Variants in DNAI1 observed in about 807,000 individuals in gnomAD.
The protein encoded by DNAI1 is dynein axonemal intermediate chain 1.
In DNAI1, 67 loss-of-function variants were observed where a neutral mutation model predicts 92.0. The observed-to-expected ratio is 0.73, with a 90% CI of 0.60 to 0.89. The LOEUF (loss-of-function observed/expected upper bound fraction) is 0.89, where lower values mean the gene tolerates loss of function less well. DNAI1 is among the 40% of genes least tolerant of loss of function. The pLI is 0.00. For synonymous variants in DNAI1, 323 were observed against 319.6 expected, an observed-to-expected ratio of 1.01 and a Z score of -0.11; for missense variants, 839 against 866.6, an observed-to-expected ratio of 0.97 and a Z score of 0.40.
At position 34,520,804 on chromosome 9, in the gene DNAI1, G is replaced by C. The variant is rs909295009; in HGVS notation, c.*48G>C. On this transcript the variant is annotated 3_prime_UTR_variant, in exon 20 of 20. Transcript: ENST00000242317. Reference sequence around the variant, plus strand: ...CCATCGCTTGAATACAGTACTCCTAGGGCTTGACCCTGGTACCCAGCCCAG... The same window carrying C: ...CCATCGCTTGAATACAGTACTCCTACGGCTTGACCCTGGTACCCAGCCCAG... The C allele has an allele frequency of 1.3e-6, 2 of 1,537,804 alleles. No individual in the cohort carries two copies. The highest frequency in any genetic ancestry group is 1.4e-5 in the African/African-American group (1 of 72,694).
At chr9:34,506,959 G>A in intron 13 of DNAI1, 85 bp downstream of exon 13, 1 of 1,550,816 alleles carries the variant, frequency 6.4e-7, no homozygotes, top group East Asian at 2.4e-5. Flanking sequence ...TTGGGGAGGA[G>A]AGGACCACAG....
intron 18 of DNAI1, among the ~76,000 whole-genome samples, chr9:34,516,365 T>C (rs1186071799): frequency 2.0e-5 from 3 of 152,108 alleles, no homozygotes; most frequent in African/African-American, 7.2e-5. Context: ...ATATGGAGGA[T>C]GGATTGTAAC....
chr9:34,480,885 G>A (rs1824339925), intron 1 of DNAI1, among the ~76,000 whole-genome samples: 1 of 152,226 alleles, frequency 6.6e-6, no homozygotes, highest in East Asian at 1.9e-4. Context: ...GGTGGAGGTT[G>A]CAGTGAGCTG....
At chr9:34,475,269 T>G (rs1824216372) in intron 1 of DNAI1, among the ~76,000 whole-genome samples, 1 of 151,854 alleles carries the variant, frequency 6.6e-6, no homozygotes. Context: ...TGTTAGTGAG[T>G]TTTAAAATAA....
chr9:34,512,035 G>T (rs989941755), intron 13 of DNAI1, 74 bp from the exon 14 acceptor site: 13 of 1,439,060 alleles, frequency 9.0e-6, no homozygotes, highest in Non-Finnish European at 1.3e-5. Flanking sequence ...GTGCTTGGGG[G>T]AGCCCTGCTC....
intron 1 of DNAI1, among the ~76,000 whole-genome samples, chr9:34,464,071 A>C (rs1823994992): frequency 6.6e-6 from 1 of 152,076 alleles, no homozygotes; most frequent in South Asian, 2.1e-4. Context: ...CCTCTTAAAT[A>C]TCTCTCAAAT....
rs1247890260 is a variant in DNAI1 at position 34,459,025 on chromosome 9, A to C, written c.20A>C (p.Lys7Thr). 3.1e-6 allele frequency: 5 copies of C among 1,614,154 alleles called. No individual in the cohort carries two copies. The South Asian group carries it at 5.5e-5, about 18-fold the overall frequency. MIPASA[K>T]APHKQPHKQS... ...GTTGAGATGATTCCTGCTTCTGCGA[A>C]GGCTCCCCATAAACAGCCTCATAAG... Residue 7 changes from lysine (K) to threonine (T), a missense_variant, in exon 1 of 20, where the codon AAG (lysine) becomes ACG (threonine). Physicochemically the swap from Lys to Thr is moderately conservative, Grantham distance 78. Coordinates refer to ENST00000242317, the MANE Select transcript of DNAI1 (RefSeq NM_012144.4).
intron 6 of DNAI1, 54 bp downstream of exon 6, chr9:34,490,178 G>A (rs369902872): frequency 2.4e-5 from 38 of 1,613,326 alleles, no homozygotes; most frequent in African/African-American, 1.5e-4. Flanking sequence ...GCTGTGGATG[G>A]AGGCTTCATG....
chr9:34,488,385 T>G (rs1824515043), intron 4 of DNAI1: 1 of 155,132 alleles, frequency 6.4e-6, no homozygotes, highest in Non-Finnish European at 1.4e-5. Flanking sequence ...TGTGGTGACT[T>G]TTAAATACAG....
At chr9:34,481,449 G>T (rs187037550) in intron 1 of DNAI1, among the ~76,000 whole-genome samples, 1 of 152,212 alleles carries the variant, frequency 6.6e-6, no homozygotes, top group African/African-American at 2.4e-5. Context: ...GGGCGCAAAA[G>T]AATATGTTGC....
At chr9:34,520,483 C>T (rs1051731415) in intron 19 of DNAI1, among the ~76,000 whole-genome samples, 175 bp from the exon 20 acceptor site, 2 of 152,156 alleles carry the variant, frequency 1.3e-5, no homozygotes, top group Admixed American at 6.5e-5. Context: ...CCCTGTGTCA[C>T]CTAACCCGAG....
intron 1 of DNAI1, among the ~76,000 whole-genome samples, chr9:34,468,245 G>A (rs895888794): frequency 2.6e-5 from 4 of 151,638 alleles, no homozygotes; most frequent in African/African-American, 7.3e-5. Context: ...GCAGTGGCGC[G>A]ATCTCGGCTC....
intron 13 of DNAI1, among the ~76,000 whole-genome samples, chr9:34,509,313 G>C (rs1825018685): frequency 1.3e-5 from 2 of 152,178 alleles, no homozygotes; most frequent in African/African-American, 4.8e-5. Flanking sequence ...AAGCAGAGTA[G>C]CCTGTTGGGA....
chr9:34,502,599 G>A (rs958372440), intron 12 of DNAI1, among the ~76,000 whole-genome samples: 3 of 152,134 alleles, frequency 2.0e-5, no homozygotes, highest in Admixed American at 1.3e-4. Flanking sequence ...CTGTCGTGGG[G>A]GCTGGAGGGC....
chr9:34,497,929 C>T (rs1824758060), intron 10 of DNAI1, among the ~76,000 whole-genome samples: 2 of 152,112 alleles, frequency 1.3e-5, no homozygotes, highest in Non-Finnish European at 2.9e-5. Context: ...AGAGTTCAGG[C>T]GGAAGAGGTT....
At chr9:34,475,061 A>G (rs1399986600) in intron 1 of DNAI1, among the ~76,000 whole-genome samples, 1 of 152,234 alleles carries the variant, frequency 6.6e-6, no homozygotes, top group African/African-American at 2.4e-5. Context: ...TTCTTCAACT[A>G]TAAACACTTA....
At chr9:34,492,535 T>TATATATATATATATATATATA (rs1425684909) in intron 8 of DNAI1, among the ~76,000 whole-genome samples, 30 of 131,876 alleles carry the variant, frequency 2.3e-4, no homozygotes, top group Non-Finnish European at 3.3e-4. Context: ...TATATATATA[T>TATATATATATATATATATATA]TTGAGACAAG....
intron 18 of DNAI1, 40 bp from the exon 19 acceptor site, chr9:34,517,245 C>T (rs751250768): frequency 2.5e-6 from 4 of 1,605,972 alleles, no homozygotes; most frequent in Non-Finnish European, 2.6e-6. Context: ...GAAGACAGGC[C>T]TCATTACCCC....
At position 34,517,282 on chromosome 9, in the gene DNAI1, C is replaced by T; in HGVS notation, c.1819-3C>T. On this transcript the variant is annotated splice_polypyrimidine_tract_variant and splice_region_variant and intron_variant, in intron 18 of 19. Transcript: ENST00000242317. ...GAGTGTGCTGACACCGACCTCTCCA[C>T]AGGCCCACATATTTGACTTAGCCAT... is the stretch of plus-strand genomic sequence containing the variant. 1.2e-6 allele frequency: 2 copies of T among 1,613,562 alleles called. No homozygotes were observed. The highest frequency in any genetic ancestry group is 1.7e-6 in the Non-Finnish European group (2 of 1,179,766).
Sources: allele counts gnomAD v4.1 joint callset (sites outside exome capture counted in the v4.1 genomes callset), GRCh38; gene constraint gnomAD v4.1.1; transcripts MANE v1.5; gene names NCBI Gene and HGNC (gene_info 2026-07-23, HGNC 2026-07-21).